TRAPPC10: variants seen among roughly 807,000 people sequenced by gnomAD.
TRAPPC10 encodes the protein TRAPP 130 kDa subunit.
In TRAPPC10, 23 loss-of-function variants were observed where a neutral mutation model predicts 125.5. The ratio of observed to expected loss-of-function variants is 0.18; its 90% CI spans 0.13 to 0.26. TRAPPC10 has a LOEUF of 0.26. TRAPPC10 is among the 10% of genes least tolerant of loss of function. The pLI is 1.00. For synonymous variants in TRAPPC10, 509 were observed against 518.0 expected, an observed-to-expected ratio of 0.98 and a Z score of 0.24; for missense variants, 1,123 against 1,308.4, an observed-to-expected ratio of 0.86 and a Z score of 2.19.
chr21:44,045,645 G>A (rs954037372), intron 3 of TRAPPC10, among the ~76,000 whole-genome samples: 1 of 151,686 alleles, frequency 6.6e-6, no homozygotes, highest in African/African-American at 2.4e-5. Flanking sequence ...TCCGCCTCCC[G>A]GGTTCAAGCG....
chr21:44,043,401 A>G (rs2034553887), intron 3 of TRAPPC10, among the ~76,000 whole-genome samples: 1 of 151,678 alleles, frequency 6.6e-6, no homozygotes. Flanking sequence ...ATTAGTGGAG[A>G]CGGGGTTTCA....
intron 9 of TRAPPC10, among the ~76,000 whole-genome samples, chr21:44,075,831 C>T (rs1415364938): frequency 6.6e-6 from 1 of 152,156 alleles, no homozygotes; most frequent in African/African-American, 2.4e-5. Flanking sequence ...GGGCGGATCA[C>T]CTGAGGTCAG....
intron 15 of TRAPPC10, among the ~76,000 whole-genome samples, chr21:44,085,391 A>C (rs1431451930): frequency 6.6e-6 from 1 of 152,180 alleles, no homozygotes; most frequent in Non-Finnish European, 1.5e-5. Flanking sequence ...CCTGCTTAGA[A>C]GTACGTTTCA....
At chr21:44,025,589 A>G (rs2032965201) in intron 1 of TRAPPC10, among the ~76,000 whole-genome samples, 2 of 152,036 alleles carry the variant, frequency 1.3e-5, no homozygotes, top group Non-Finnish European at 2.9e-5. Flanking sequence ...AGAAGAGTTC[A>G]TTCAACTTCT....
chr21:44,020,513 C>A (rs1448038703), intron 1 of TRAPPC10, among the ~76,000 whole-genome samples: 1 of 152,018 alleles, frequency 6.6e-6, no homozygotes, highest in Non-Finnish European at 1.5e-5. Flanking sequence ...GTGCGTGCTT[C>A]TAGTCCTAGC....
rs1229005119 is a variant in TRAPPC10, at chr21:44,092,066, C to A, written c.2997+17C>A. On this transcript the variant is annotated intron_variant, in intron 19 of 22. Transcript: ENST00000291574. Reference sequence around the variant, plus strand: ...TCCCAGCAGGTAAACATTGTGTAGACCTGAGCATAAACTTCTCAACAGAGA... The same window carrying A: ...TCCCAGCAGGTAAACATTGTGTAGAACTGAGCATAAACTTCTCAACAGAGA... The A allele has an allele frequency of 6.2e-7, 1 of 1,612,634 alleles. No individual in the cohort carries two copies.
chr21:44,015,961 C>T (rs929268024), intron 1 of TRAPPC10, among the ~76,000 whole-genome samples: 2 of 152,154 alleles, frequency 1.3e-5, no homozygotes, highest in African/African-American at 4.8e-5. Context: ...TCCTGCCTAA[C>T]GGGCTCCTGT....
intron 3 of TRAPPC10, among the ~76,000 whole-genome samples, chr21:44,051,869 A>G (rs768885239): frequency 1.3e-5 from 2 of 152,126 alleles, no homozygotes; most frequent in Non-Finnish European, 2.9e-5. Flanking sequence ...TTGCCTCCTG[A>G]GATGAAGGCA....
At position 44,037,905 on chromosome 21, in the gene TRAPPC10, A is replaced by G; in HGVS notation, c.263A>G (p.His88Arg). Reference sequence around the variant, plus strand: ...GCTCTGCTCACGTTTCCCTTCCTCCATATTTACTGGACAGAGTGCTGTGTG... The same window carrying G: ...GCTCTGCTCACGTTTCCCTTCCTCCGTATTTACTGGACAGAGTGCTGTGTG... ...NKALLTFPFL[H>R]IYWTECCDTE... The change falls in exon 3 of 23, where the codon CAT becomes CGT. Residue 88 changes from histidine (H) to arginine (R), a missense_variant. His to Arg is a conservative substitution (Grantham distance 29, BLOSUM62 0). Around this residue, in one of 4 missense-constraint regions of TRAPPC10, gnomAD observed 177 missense variants for 228.9 expected, o/e 0.77. Coordinates refer to ENST00000291574, the MANE Select transcript of TRAPPC10 (RefSeq NM_003274.5). 6.2e-7 allele frequency: 1 copy of G among 1,613,758 alleles called. No individual in the cohort carries two copies. The highest frequency in any genetic ancestry group is 8.5e-7 in the Non-Finnish European group (1 of 1,179,938).
In TRAPPC10 at chr21:44,036,662, A is replaced by T. The variant is rs146282579; in HGVS notation, c.150-1130A>T. On this transcript the variant is annotated intron_variant, in intron 2 of 22. Coordinates refer to ENST00000291574, the MANE Select transcript of TRAPPC10 (RefSeq NM_003274.5). ...TTGCGACCCTCTGAGTAATTAAAGG[A>T]TGTATCCCAATACGAAGGCAGATGA... Among the ~76,000 whole-genome samples the T allele has an allele frequency of 2.7e-3, 407 of 152,332 alleles. 3 individuals are homozygous for T. The highest frequency in any genetic ancestry group is 9.3e-3 in the African/African-American group (387 of 41,586).
chr21:44,058,561 C>T (rs981992208), intron 5 of TRAPPC10, among the ~76,000 whole-genome samples: 2 of 152,220 alleles, frequency 1.3e-5, no homozygotes, highest in African/African-American at 2.4e-5. Flanking sequence ...ATGTGTAAGC[C>T]TGAGCTGTCT....
intron 20 of TRAPPC10, among the ~76,000 whole-genome samples, chr21:44,094,627 A>C (rs1487838668): frequency 2.6e-5 from 4 of 152,104 alleles, no homozygotes; most frequent in African/African-American, 4.8e-5. Context: ...GAAAAGCTGA[A>C]AACATATGAA....
chr21:44,067,842 C>G (rs1037317872), intron 7 of TRAPPC10, among the ~76,000 whole-genome samples: 1 of 152,014 alleles, frequency 6.6e-6, no homozygotes, highest in Non-Finnish European at 1.5e-5. Flanking sequence ...TTCATTCAGG[C>G]TGGGCACAGT....
At chr21:44,083,386 G>A in intron 14 of TRAPPC10, 84 bp downstream of exon 14, 1 of 1,454,024 alleles carries the variant, frequency 6.9e-7, no homozygotes, top group South Asian at 1.3e-5. Context: ...AGTGTGCTGT[G>A]AATTGAGTAG....
chr21:44,043,144 C>G (rs190476252), intron 3 of TRAPPC10, among the ~76,000 whole-genome samples: 10 of 150,576 alleles, frequency 6.6e-5, no homozygotes, highest in African/African-American at 2.2e-4. Flanking sequence ...GCACAATATT[C>G]TAGACACTTT....
At chr21:44,073,476 G>GA (rs1227865656) in intron 7 of TRAPPC10, among the ~76,000 whole-genome samples, 2 of 152,190 alleles carry the variant, frequency 1.3e-5, no homozygotes, top group African/African-American at 2.4e-5. Flanking sequence ...AAATGTGGGG[G>GA]AAAACTGCAT....
In TRAPPC10 at chr21:44,087,574, G is replaced by A; in HGVS notation, c.2540-125G>A. 2 of 836,924 alleles carry A rather than the reference G, an allele frequency of 2.4e-6. No homozygotes were observed. The highest frequency in any genetic ancestry group is 3.8e-6 in the Non-Finnish European group (2 of 523,822). 51.8% of individuals were successfully genotyped at this position (836,924 alleles called of 1,614,324 possible). On this transcript the variant is annotated intron_variant, in intron 16 of 22. Transcript: ENST00000291574. This position sits in a 1 kb window ranked among gnomAD's most constrained non-coding sequence, Gnocchi z 4.6. Reference sequence around the variant, plus strand: ...AGGGGCCTTGTTCTTGGGTTTGCCTGCCAGGTGCGCAGGAGCGGGAGAGGT... The same window carrying A: ...AGGGGCCTTGTTCTTGGGTTTGCCTACCAGGTGCGCAGGAGCGGGAGAGGT...
At chr21:44,046,991 C>T (rs542168587) in intron 3 of TRAPPC10, 25 of 802,126 alleles carry the variant, frequency 3.1e-5, no homozygotes, top group Middle Eastern at 2.4e-4. Flanking sequence ...AGCGGGAAAC[C>T]GCCTTTGTCT....
intron 1 of TRAPPC10, among the ~76,000 whole-genome samples, chr21:44,030,712 C>A (rs1376806839): frequency 6.6e-6 from 1 of 152,196 alleles, no homozygotes; most frequent in Non-Finnish European, 1.5e-5. Flanking sequence ...AGGTGATCTG[C>A]CCACCTCGGC....
Sources: allele counts gnomAD v4.1 joint callset (sites outside exome capture counted in the v4.1 genomes callset), GRCh38; gene constraint gnomAD v4.1.1; regional missense constraint gnomAD v4.1.1; non-coding constraint Gnocchi (gnomAD v3.1); transcripts MANE v1.5; gene names NCBI Gene and HGNC (gene_info 2026-07-23, HGNC 2026-07-21).